ESRRG: variants seen among roughly 807,000 people sequenced by gnomAD.
ESRRG encodes estrogen related receptor gamma.
In ESRRG, 13 loss-of-function variants were observed where a neutral mutation model predicts 44.0. The ratio of observed to expected loss-of-function variants is 0.30; its 90% confidence interval spans 0.19 to 0.47. The LOEUF is 0.47. ESRRG is among the 20% of genes least tolerant of loss of function. ESRRG has a pLI of 1.00. For synonymous variants in ESRRG, 215 were observed against 214.6 expected (o/e 1.00, Z -0.02); for missense variants, 395 against 580.6 (o/e 0.68, Z 3.29).
intron 1 of ESRRG, among the ~76,000 whole-genome samples, chr1:217,130,627 T>G (rs114611017): frequency 0.01 from 1,533 of 152,284 alleles, 24 homozygotes; most frequent in African/African-American, 0.034. Flanking sequence ...TTAATGAATA[T>G]GTGTAGGAGT....
At chr1:217,063,461 G>A (rs907574431) in intron 1 of ESRRG, among the ~76,000 whole-genome samples, 6 of 152,146 alleles carry the variant, frequency 3.9e-5, no homozygotes, top group African/African-American at 1.4e-4. Flanking sequence ...CCTCACACGT[G>A]TTAACAATCT....
At chr1:217,098,155 T>C (rs939396974) in intron 1 of ESRRG, among the ~76,000 whole-genome samples, 17 of 152,290 alleles carry the variant, frequency 1.1e-4, no homozygotes, top group African/African-American at 3.8e-4. Flanking sequence ...GTCCAGAACA[T>C]GAAAGTTCTT....
At chr1:217,131,894 T>C (rs1191631515) in intron 1 of ESRRG, among the ~76,000 whole-genome samples, 1 of 152,170 alleles carries the variant, frequency 6.6e-6, no homozygotes, top group Non-Finnish European at 1.5e-5. Context: ...CCTCAGCTCT[T>C]TGCCTTGAAA....
chr1:217,032,346 T>C (rs1350121256), intron 1 of ESRRG, among the ~76,000 whole-genome samples: 4 of 152,170 alleles, frequency 2.6e-5, no homozygotes, highest in African/African-American at 7.2e-5. Flanking sequence ...TGTAAAAATA[T>C]ACTGAGTAGA....
At chr1:216,972,122 C>T (rs2071810319) in intron 1 of ESRRG, among the ~76,000 whole-genome samples, 1 of 152,006 alleles carries the variant, frequency 6.6e-6, no homozygotes, top group Non-Finnish European at 1.5e-5. Context: ...GCCTTGAATC[C>T]ACCTATCAGA....
intron 2 of ESRRG, among the ~76,000 whole-genome samples, chr1:216,656,019 C>A (rs955451693): frequency 6.6e-6 from 1 of 152,150 alleles, no homozygotes; most frequent in East Asian, 1.9e-4. Flanking sequence ...ACATGACTCC[C>A]AGTAGACCAT....
chr1:216,790,079 G>A (rs2094266776), intron 2 of ESRRG, among the ~76,000 whole-genome samples: 1 of 152,168 alleles, frequency 6.6e-6, no homozygotes, highest in African/African-American at 2.4e-5. Flanking sequence ...CAAGACCAAT[G>A]AGACCTTCAA....
intron 5 of ESRRG, among the ~76,000 whole-genome samples, chr1:216,524,824 C>T (rs1343676972): frequency 1.3e-5 from 2 of 152,062 alleles, no homozygotes; most frequent in Admixed American, 6.6e-5. Flanking sequence ...CAGAAGTGAC[C>T]ACCTTCCATA....
rs77152479 is a variant in ESRRG, at chr1:216,843,546, G to A, written c.-14+96036C>T. ...ACAAAAAGAGCTTCTGGTTCAACAC[G>A]TCAGAGCAGAGTCAGTCTTCCATAA... On this transcript the variant is annotated intron_variant, in intron 2 of 7. Transcript: ENST00000359162. Among the ~76,000 whole-genome samples, 627 of 152,228 alleles carry A rather than the reference G, an allele frequency of 4.1e-3. 5 individuals carry two copies. Among genetic ancestry groups the A allele is most frequent in the African/African-American group, 0.014 (582 of 41,542 alleles).
chr1:217,052,713 T>G (rs2086270849), intron 1 of ESRRG, among the ~76,000 whole-genome samples: 1 of 152,146 alleles, frequency 6.6e-6, no homozygotes, highest in Non-Finnish European at 1.5e-5. Context: ...AGAGGATAGC[T>G]TCTACCTTCC....
At chr1:216,603,951 A>AACAAC (rs1475532582) in intron 3 of ESRRG, among the ~76,000 whole-genome samples, 6 of 148,230 alleles carry the variant, frequency 4.0e-5, no homozygotes, top group Admixed American at 6.7e-5. Context: ...AAAACAAAAA[A>AACAAC]AAAAAAAAAA....
intron 2 of ESRRG, among the ~76,000 whole-genome samples, chr1:216,856,911 C>CT (rs1032551133): frequency 2.0e-5 from 3 of 152,114 alleles, no homozygotes; most frequent in South Asian, 2.1e-4. Flanking sequence ...ATTACTATGT[C>CT]TTTTTTTAAA....
chr1:216,710,221 G>A (rs2083321742), intron 1 of ESRRG, among the ~76,000 whole-genome samples: 1 of 152,106 alleles, frequency 6.6e-6, no homozygotes, highest in South Asian at 2.1e-4. Context: ...CCTGTTTTAT[G>A]TTGTTCACAC....
intron 2 of ESRRG, among the ~76,000 whole-genome samples, chr1:216,900,864 G>T (rs922564432): frequency 6.6e-6 from 1 of 152,254 alleles, no homozygotes; most frequent in Non-Finnish European, 1.5e-5. Flanking sequence ...GTGAATCTCA[G>T]ATAATGACTA....
chr1:216,897,564 G>A (rs112615544), intron 2 of ESRRG, among the ~76,000 whole-genome samples: 3,668 of 152,294 alleles, frequency 0.024, 58 homozygotes, highest in Non-Finnish European at 0.036. Context: ...AAAGTACACA[G>A]TTTTGACTTA....
intron 2 of ESRRG, among the ~76,000 whole-genome samples, chr1:216,912,958 C>T (rs2060649874): frequency 6.6e-6 from 1 of 151,602 alleles, no homozygotes; most frequent in Non-Finnish European, 1.5e-5. Context: ...CTCGTCTCTA[C>T]TAAAAATACC....
chr1:216,809,347 A>C (rs1047821348), intron 2 of ESRRG, among the ~76,000 whole-genome samples: 3 of 122,724 alleles, frequency 2.4e-5, no homozygotes, highest in African/African-American at 8.7e-5. Context: ...AAAAAAAAAA[A>C]CCCCATGAGA....
At chr1:216,791,609 C>A (rs1013571947) in intron 2 of ESRRG, among the ~76,000 whole-genome samples, 1 of 151,960 alleles carries the variant, frequency 6.6e-6, no homozygotes, top group Non-Finnish European at 1.5e-5. Flanking sequence ...AGCCATAGAC[C>A]CTCCCACACT....
chr1:216,763,733 G>T (rs984013209), intron 2 of ESRRG, among the ~76,000 whole-genome samples: 1 of 152,086 alleles, frequency 6.6e-6, no homozygotes, highest in Non-Finnish European at 1.5e-5. Flanking sequence ...GAGAGCAAAG[G>T]TTTTGGATCC....
Sources: allele counts gnomAD v4.1 joint callset (sites outside exome capture counted in the v4.1 genomes callset), GRCh38; gene constraint gnomAD v4.1.1; transcripts MANE v1.5; gene names NCBI Gene and HGNC (gene_info 2026-07-23, HGNC 2026-07-21).